The following FCGR1A variants were observed in gnomAD, a reference collection of about 807,000 sequenced individuals.
FCGR1A encodes the protein high affinity immunoglobulin gamma Fc receptor I.
In FCGR1A, 13 loss-of-function variants were observed where a neutral mutation model predicts 35.0. The ratio of observed to expected loss-of-function variants is 0.37; its 90% CI spans 0.24 to 0.59. The LOEUF (loss-of-function observed/expected upper bound fraction) is 0.59, where lower values mean the gene tolerates loss of function less well. Ranked by LOEUF, FCGR1A falls within the 20% of genes least tolerant of loss-of-function variation. The pLI, the probability that FCGR1A is intolerant of heterozygous loss-of-function variation, is 0.71. For missense variants in FCGR1A, 227 were observed against 430.0 expected (o/e 0.53, Z 4.17); for synonymous variants, 91 against 164.7 (o/e 0.55, Z 3.43).
At chr1:149,800,243 G>A in the FCGR1A span, among the ~76,000 whole-genome samples, 9 of 152,218 alleles carry the variant, frequency 5.9e-5, no homozygotes, top group South Asian at 2.1e-4. Context: ...CACTGGGTGC[G>A]CCGCCCTTCA....
At chr1:149,793,138 T>A (rs1172247766), downstream of FCGR1A, 23 of 1,274,794 alleles carry the variant, frequency 1.8e-5, no homozygotes, top group Non-Finnish European at 2.2e-5. Context: ...CGGCCGAGCC[T>A]CCGCGGAGAG....
chr1:149,798,389 G>A, the FCGR1A span, among the ~76,000 whole-genome samples: 6 of 151,562 alleles, frequency 4.0e-5, no homozygotes, highest in South Asian at 4.2e-4. Context: ...CTTATTAACC[G>A]TGTTCTTCAA....
rs1296954273 is a variant in FCGR1A, at chr1:149,788,321, T to C, written c.308-45T>C. The C allele has an allele frequency of 2.5e-6, 4 of 1,611,776 alleles. No individual in the cohort carries two copies. In the African/African-American group the frequency reaches 4.0e-5, roughly 16 times the overall value. On this transcript the variant is annotated intron_variant, in intron 3 of 5. Transcript: ENST00000369168. The stretch of plus-strand genomic sequence containing the variant: ...ACAGGGCCAAGCTTGGGCCTCCTTG[T>C]ACCTCCTCCACTGTATACATACATT...
At chr1:149,798,742 G>A in the FCGR1A span, among the ~76,000 whole-genome samples, 1 of 152,058 alleles carries the variant, frequency 6.6e-6, no homozygotes, top group Non-Finnish European at 1.5e-5. Context: ...CTCCTAAGTA[G>A]CTGGGACTAC....
At chr1:149,793,472 G>A (rs1278594160), downstream of FCGR1A, among the ~76,000 whole-genome samples, 1 of 152,176 alleles carries the variant, frequency 6.6e-6, no homozygotes, top group Non-Finnish European at 1.5e-5. Flanking sequence ...TCCTATCACG[G>A]ATGAAAAGAT....
chr1:149,793,377 G>A (rs1241547279), downstream of FCGR1A, among the ~76,000 whole-genome samples: 1 of 151,952 alleles, frequency 6.6e-6, no homozygotes, highest in African/African-American at 2.4e-5. Context: ...GCAAGCCAGC[G>A]GGCAAGAAGG....
chr1:149,792,609 G>T (rs2091736589), downstream of FCGR1A: 4 of 1,221,128 alleles, frequency 3.3e-6, no homozygotes, highest in Non-Finnish European at 4.2e-6. Flanking sequence ...CGGGCCCCTG[G>T]CGCCACACTG....
chr1:149,788,550 C>T lies in FCGR1A; in HGVS notation c.492C>T (p.Gly164=), dbSNP rs1293197066. 1 of 1,613,812 alleles carries T rather than the reference C, an allele frequency of 6.2e-7. No individual in the cohort carries two copies. The highest frequency in any genetic ancestry group is 8.5e-7 in the Non-Finnish European group (1 of 1,179,862). ...TGAAAACCAACATAAGTCACAATGG[C>T]ACCTACCATTGCTCAGGCATGGGAA... The part of the protein sequence containing the change: ...TILKTNISHN[G]TYHCSGMGKH... Residue 164 remains glycine (G), a synonymous_variant, in exon 4 of 6, where the codon GGC becomes GGT. Transcript: ENST00000369168.
chr1:149,793,026 GC>G (rs2091751131), downstream of FCGR1A: 2 of 1,263,828 alleles, frequency 1.6e-6, no homozygotes, highest in Non-Finnish European at 2.0e-6. Flanking sequence ...CCCGCCCCGG[GC>G]CCGCCAGCTC....
the FCGR1A span, among the ~76,000 whole-genome samples, chr1:149,797,602 A>G: frequency 6.6e-6 from 1 of 152,070 alleles, no homozygotes; most frequent in African/African-American, 2.4e-5. Flanking sequence ...TTCCTTTGTT[A>G]GCGTTTGAGT....
At chr1:149,800,154 G>A in the FCGR1A span, among the ~76,000 whole-genome samples, 1 of 152,038 alleles carries the variant, frequency 6.6e-6, no homozygotes, top group African/African-American at 2.4e-5. Flanking sequence ...TGGGTTTACT[G>A]GTTTATAACA....
the FCGR1A span, among the ~76,000 whole-genome samples, chr1:149,798,614 A>C: frequency 6.7e-6 from 1 of 149,048 alleles, no homozygotes; most frequent in Non-Finnish European, 1.5e-5. Context: ...TTTTAAACCG[A>C]CTTTAAAAAA....
chr1:149,800,172 C>T, the FCGR1A span, among the ~76,000 whole-genome samples: 1 of 152,116 alleles, frequency 6.6e-6, no homozygotes, highest in Non-Finnish European at 1.5e-5. Flanking sequence ...ACAAAAAATA[C>T]AGATGAAAAG....
chr1:149,793,651 G>C (rs2091765684), downstream of FCGR1A, among the ~76,000 whole-genome samples: 1 of 151,750 alleles, frequency 6.6e-6, no homozygotes, highest in African/African-American at 2.4e-5. Context: ...GAGCTTCCAA[G>C]CCAAAGCACA....
At chr1:149,782,866 A>C in intron 1 of FCGR1A, 92 bp downstream of exon 1, 8 of 1,538,218 alleles carry the variant, frequency 5.2e-6, no homozygotes, top group Non-Finnish European at 6.3e-6. Flanking sequence ...CTCTGGGTAG[A>C]ACTCATGAGT....
At chr1:149,792,678 C>T (rs2091740002), downstream of FCGR1A, 4 of 1,280,104 alleles carry the variant, frequency 3.1e-6, no homozygotes, top group Non-Finnish European at 4.1e-6. Flanking sequence ...CCGCCAGCGC[C>T]CGGGGACCCA....
In FCGR1A at chr1:149,791,493, G is replaced by C. The variant is rs781783687; in HGVS notation, c.1101G>C (p.Arg367=). 4.3e-6 allele frequency: 7 copies of C among 1,609,602 alleles called. No homozygotes were observed. In the South Asian group the frequency reaches 7.7e-5, roughly 18 times the overall value. Residue 367 remains arginine, a synonymous_variant, in exon 6 of 6, where the codon CGG becomes CGC. Coordinates refer to ENST00000369168, the MANE Select transcript of FCGR1A (RefSeq NM_000566.4). ...AACAGCTGCAGGAAGGGGTGCACCGGAAGGAGCCCCAGGGGGCCACGTAGC... is the reference window on the plus strand; with the variant it reads ...AACAGCTGCAGGAAGGGGTGCACCGCAAGGAGCCCCAGGGGGCCACGTAGC... ...KEEQLQEGVH[R]KEPQGAT
chr1:149,798,801 AG>A, the FCGR1A span, among the ~76,000 whole-genome samples: 1 of 152,132 alleles, frequency 6.6e-6, no homozygotes, highest in African/African-American at 2.4e-5. Flanking sequence ...TTGTAGAGAC[AG>A]GGGTCTTGCT....
chr1:149,796,355 A>G (rs2091800227), downstream of FCGR1A, among the ~76,000 whole-genome samples: 2 of 152,222 alleles, frequency 1.3e-5, no homozygotes, highest in Admixed American at 1.3e-4. Flanking sequence ...GGGATTCTCG[A>G]GAAGTAAATT....
Sources: allele counts gnomAD v4.1 joint callset (sites outside exome capture counted in the v4.1 genomes callset), GRCh38; gene constraint gnomAD v4.1.1; transcripts MANE v1.5; gene names NCBI Gene and HGNC (gene_info 2026-07-23, HGNC 2026-07-21).